Variants in SNX29 observed in about 807,000 individuals in gnomAD.
The protein encoded by SNX29 is sorting nexin 29, also known as sorting nexin-29.
SNX29 carries 78 observed loss-of-function variants against 102.1 expected under a neutral mutation model. That is an observed-to-expected ratio of 0.76 (90% confidence interval 0.64 to 0.92). The LOEUF (loss-of-function observed/expected upper bound fraction) is 0.92, where lower values mean the gene tolerates loss of function less well. Among genes scored for constraint, SNX29 ranks in the 40% least tolerant of loss-of-function variants. The probability of loss-of-function intolerance (pLI) is 0.00; values close to 1 mark genes in which losing one functional copy is unlikely to be tolerated. For missense variants in SNX29, 1,280 were observed against 1,061.7 expected (o/e 1.21, Z -2.86); for synonymous variants, 580 against 414.5 (o/e 1.40, Z -4.85).
intron 14 of SNX29, among the ~76,000 whole-genome samples, chr16:12,201,076 C>G (rs1241834880): frequency 6.6e-6 from 1 of 152,190 alleles, no homozygotes; most frequent in Admixed American, 6.5e-5. Context: ...CTTTTGGTTA[C>G]TGTTTGATCA....
Position 12,570,971 on chromosome 16 carries a change from T to C in SNX29, c.*2342T>C, listed in dbSNP as rs1232390675. On this transcript the variant is annotated 3_prime_UTR_variant, in exon 21 of 21. Coordinates refer to ENST00000566228, the MANE Select transcript of SNX29 (RefSeq NM_032167.5). ...GGGACCATCCCCAGCTGCCTGCTCC[T>C]GGTACCTCCCCCATGATCATGCACA... 8 of 232,210 alleles carry C rather than the reference T, an allele frequency of 3.4e-5. No individual in the cohort carries two copies. Among genetic ancestry groups the C allele is most frequent in the Non-Finnish European group, 6.0e-5 (7 of 117,448 alleles). 14.4% of individuals were successfully genotyped at this position (232,210 alleles called of 1,614,324 possible).
intron 20 of SNX29, among the ~76,000 whole-genome samples, chr16:12,542,935 C>G (rs1172089222): frequency 6.6e-6 from 1 of 152,116 alleles, no homozygotes; most frequent in East Asian, 1.9e-4. Flanking sequence ...CTATAGAGCC[C>G]TACTTCAAAT....
intron 11 of SNX29, among the ~76,000 whole-genome samples, chr16:12,092,401 G>T (rs1198255658): frequency 6.6e-6 from 1 of 152,218 alleles, no homozygotes; most frequent in Non-Finnish European, 1.5e-5. Flanking sequence ...CCCAGAGGGC[G>T]GGCTCCAGTC....
At chr16:12,515,029 C>T (rs988646447) in intron 19 of SNX29, among the ~76,000 whole-genome samples, 2 of 152,120 alleles carry the variant, frequency 1.3e-5, no homozygotes, top group Non-Finnish European at 2.9e-5. Context: ...AGCCCAGTGC[C>T]TGGCAGAGAA....
At chr16:12,323,071 C>T (rs2080998812) in intron 15 of SNX29, among the ~76,000 whole-genome samples, 1 of 136,338 alleles carries the variant, frequency 7.3e-6, no homozygotes, top group South Asian at 2.5e-4. Context: ...TCACCGGGGA[C>T]CACTGTCAGG....
chr16:12,268,438 G>C (rs1019387632), intron 14 of SNX29, among the ~76,000 whole-genome samples: 2 of 152,138 alleles, frequency 1.3e-5, no homozygotes, highest in South Asian at 4.1e-4. Flanking sequence ...AGAGCTCCGG[G>C]GTCTTGTTGC....
intron 13 of SNX29, among the ~76,000 whole-genome samples, chr16:12,158,232 C>T (rs2055636615): frequency 6.6e-6 from 1 of 152,088 alleles, no homozygotes; most frequent in African/African-American, 2.4e-5. Flanking sequence ...GAGGGTCTCG[C>T]TCTGGCACCC....
At chr16:12,515,829 C>T (rs2089839013) in intron 19 of SNX29, among the ~76,000 whole-genome samples, 1 of 152,106 alleles carries the variant, frequency 6.6e-6, no homozygotes, top group African/African-American at 2.4e-5. Flanking sequence ...ATGCAGGAGC[C>T]AGCACAATTA....
chr16:12,553,131 T>G (rs1192996768), intron 20 of SNX29, among the ~76,000 whole-genome samples: 1 of 152,200 alleles, frequency 6.6e-6, no homozygotes, highest in African/African-American at 2.4e-5. Context: ...GCCTTGGGCT[T>G]CTGGCTCACA....
intron 16 of SNX29, among the ~76,000 whole-genome samples, chr16:12,381,382 C>A (rs111218346): frequency 5.3e-5 from 3 of 56,284 alleles, no homozygotes; most frequent in African/African-American, 1.4e-4. Flanking sequence ...CCATCATCCA[C>A]CCACCCACTC....
chr16:12,334,154 G>A (rs2081375241), intron 15 of SNX29, among the ~76,000 whole-genome samples: 1 of 152,144 alleles, frequency 6.6e-6, no homozygotes, highest in African/African-American at 2.4e-5. Flanking sequence ...GAGGTTTTGA[G>A]TAAAGACAAG....
At chr16:12,413,428 A>C (rs1338432794) in intron 18 of SNX29, among the ~76,000 whole-genome samples, 1 of 151,838 alleles carries the variant, frequency 6.6e-6, no homozygotes, top group Non-Finnish European at 1.5e-5. Context: ...GTCCTGACTT[A>C]CCGAATGGCA....
chr16:12,127,782 C>T (rs1276982157), intron 12 of SNX29, among the ~76,000 whole-genome samples: 1 of 152,130 alleles, frequency 6.6e-6, no homozygotes, highest in Non-Finnish European at 1.5e-5. Context: ...TTGCAGGCAT[C>T]TGAGCACTTA....
intron 14 of SNX29, among the ~76,000 whole-genome samples, chr16:12,200,858 T>C (rs55939888): frequency 0.17 from 25,498 of 152,122 alleles, 2,258 homozygotes; most frequent in East Asian, 0.27. Context: ...CTTTGAATTA[T>C]TTTACTATAC....
intron 16 of SNX29, among the ~76,000 whole-genome samples, chr16:12,365,914 C>T (rs1488800371): frequency 1.3e-5 from 2 of 150,528 alleles, no homozygotes; most frequent in Non-Finnish European, 3.0e-5. Flanking sequence ...TGGTGGCGGG[C>T]GCTTGTAGTC....
chr16:12,252,320 T>TGCC (rs934089568), intron 14 of SNX29, among the ~76,000 whole-genome samples: 2 of 152,186 alleles, frequency 1.3e-5, no homozygotes, highest in African/African-American at 4.8e-5. Context: ...AAGCTGGAGT[T>TGCC]GCCAGAGAAG....
intron 15 of SNX29, among the ~76,000 whole-genome samples, chr16:12,321,654 G>A (rs914482124): frequency 2.0e-5 from 3 of 152,176 alleles, no homozygotes; most frequent in East Asian, 1.9e-4. Flanking sequence ...GGCTGAAAGC[G>A]CACGCTGGAG....
At chr16:12,362,816 A>T (rs1369632014) in intron 16 of SNX29, among the ~76,000 whole-genome samples, 1 of 152,040 alleles carries the variant, frequency 6.6e-6, no homozygotes, top group Non-Finnish European at 1.5e-5. Context: ...ACATTGATTT[A>T]TCACTGATCA....
chr16:12,554,604 G>C (rs1024397531), intron 20 of SNX29, among the ~76,000 whole-genome samples: 3 of 152,128 alleles, frequency 2.0e-5, no homozygotes, highest in East Asian at 1.9e-4. Context: ...CAAGCCAGAG[G>C]AGCTCACTCA....
Sources: allele counts gnomAD v4.1 joint callset (sites outside exome capture counted in the v4.1 genomes callset), GRCh38; gene constraint gnomAD v4.1.1; transcripts MANE v1.5; gene names NCBI Gene and HGNC (gene_info 2026-07-23, HGNC 2026-07-21).